Variants in VEPH1 observed in about 807,000 individuals in gnomAD.
The protein encoded by VEPH1 is ventricular zone expressed PH domain containing 1.
VEPH1 carries 80 observed loss-of-function variants against 85.2 expected under a neutral mutation model. The observed-to-expected ratio is 0.94, with a 90% CI of 0.78 to 1.13. The LOEUF (loss-of-function observed/expected upper bound fraction) is 1.13, where lower values mean the gene tolerates loss of function less well. Ranked by LOEUF, VEPH1 falls within the 50% of genes most tolerant of loss-of-function variation. The pLI is 0.00. For missense variants in VEPH1, 955 were observed against 980.5 expected, an observed-to-expected ratio of 0.97 and a Z score of 0.35; for synonymous variants, 297 against 348.0, an observed-to-expected ratio of 0.85 and a Z score of 1.63.
intron 11 of VEPH1, among the ~76,000 whole-genome samples, chr3:157,311,999 C>G (rs1329095778): frequency 6.6e-6 from 1 of 152,146 alleles, no homozygotes; most frequent in Non-Finnish European, 1.5e-5. Flanking sequence ...CAGAGCATTA[C>G]AAATAAACTT....
intron 9 of VEPH1, among the ~76,000 whole-genome samples, chr3:157,351,063 C>T (rs1257424015): frequency 1.3e-5 from 2 of 152,152 alleles, no homozygotes; most frequent in African/African-American, 4.8e-5. Context: ...GAGACATTTG[C>T]GCCCCCATGC....
At chr3:157,486,303 C>T (rs148246692) in intron 2 of VEPH1, among the ~76,000 whole-genome samples, 1,818 of 152,018 alleles carry the variant, frequency 0.012, 35 homozygotes, top group African/African-American at 0.038. Flanking sequence ...CAAGACAAGC[C>T]TGACCAACAT....
chr3:157,374,285 C>T (rs749009147), intron 7 of VEPH1, among the ~76,000 whole-genome samples: 1 of 152,186 alleles, frequency 6.6e-6, no homozygotes, highest in Non-Finnish European at 1.5e-5. Flanking sequence ...AAGAGATACT[C>T]GTTTCCTATC....
At position 157,363,742 on chromosome 3, in the gene VEPH1, G is replaced by A; in HGVS notation, c.1357C>T (p.His453Tyr). The change falls in exon 9 of 14, where the codon CAC becomes TAC. Residue 453 changes from histidine to tyrosine, a missense_variant. Coordinates refer to ENST00000362010, the MANE Select transcript of VEPH1 (RefSeq NM_001167912.2). ...CCCACACCCTTTGTGAGCATAGTGT[G>A]GAAAGCCAAACTTTTTGACCTAGAG... Reference protein sequence around the residue: ...RFNRSKSLAFHTMLTKGVGSD... With the variant: ...RFNRSKSLAFYTMLTKGVGSD... The A allele has an allele frequency of 1.2e-6, 2 of 1,612,296 alleles. No individual in the cohort carries two copies. Among genetic ancestry groups the A allele is most frequent in the Non-Finnish European group, 1.7e-6 (2 of 1,178,732 alleles).
intron 9 of VEPH1, among the ~76,000 whole-genome samples, chr3:157,356,238 C>CA (rs1305252177): frequency 1.3e-5 from 2 of 151,750 alleles, no homozygotes; most frequent in Non-Finnish European, 1.5e-5. Context: ...ACAACAACAA[C>CA]AAAAAAACAA....
Position 157,313,677 on chromosome 3 carries a change from C to T in VEPH1, c.1954G>A (p.Gly652Arg). The T allele has an allele frequency of 6.2e-7, 1 of 1,614,180 alleles. No individual in the cohort carries two copies. The highest frequency in any genetic ancestry group is 1.7e-5 in the Admixed American group (1 of 60,030). ...GCAGTTTCAAAGCTGTGAGCACCCC[C>T]TGCCTGGGTCTTCTCCCACAGAGCT... is the stretch of plus-strand genomic sequence containing the variant. ...LRALWEKTQA[G>R]GAHSFETAMM... The change falls in exon 11 of 14, where the codon GGG becomes AGG. Residue 652 changes from glycine to arginine, a missense_variant. Transcript: ENST00000362010.
At chr3:157,431,163 C>T (rs28526873) in intron 4 of VEPH1, among the ~76,000 whole-genome samples, 61,049 of 151,930 alleles carry the variant, frequency 0.4, 13,948 homozygotes, top group Admixed American at 0.52. Flanking sequence ...TGGCAGTTTC[C>T]GCTGTACTCT....
intron 5 of VEPH1, among the ~76,000 whole-genome samples, chr3:157,426,872 A>G (rs1307136009): frequency 6.7e-6 from 1 of 149,746 alleles, no homozygotes; most frequent in East Asian, 2.0e-4. Context: ...CAGTGGCTCA[A>G]TCTCAGCTCA....
intron 11 of VEPH1, among the ~76,000 whole-genome samples, chr3:157,296,497 T>C (rs1185549984): frequency 6.6e-6 from 1 of 152,206 alleles, no homozygotes; most frequent in Non-Finnish European, 1.5e-5. Context: ...AGACTGACCT[T>C]GGTGGTGAAA....
chr3:157,431,611 C>T (rs551971199), intron 4 of VEPH1, among the ~76,000 whole-genome samples: 22 of 151,818 alleles, frequency 1.4e-4, no homozygotes, highest in African/African-American at 4.1e-4. Flanking sequence ...TCACAGGTTC[C>T]GGGGATTAGA....
intron 7 of VEPH1, 28 bp downstream of exon 7, chr3:157,381,128 C>T (rs899070766): frequency 1.2e-6 from 2 of 1,610,608 alleles, no homozygotes; most frequent in Non-Finnish European, 1.7e-6. Flanking sequence ...ACAGCAGCTC[C>T]CTGAGGTACA....
chr3:157,426,956 C>T (rs868373532), intron 5 of VEPH1, among the ~76,000 whole-genome samples: 3 of 151,482 alleles, frequency 2.0e-5, no homozygotes, highest in East Asian at 2.0e-4. Flanking sequence ...TACAGGCTCC[C>T]GCCACTGCAC....
At chr3:157,493,141 T>G (rs1001742262) in intron 2 of VEPH1, 1 of 423,596 alleles carries the variant, frequency 2.4e-6, no homozygotes, top group African/African-American at 2.1e-5. Flanking sequence ...AAGGGACAAT[T>G]TACCAAAGGA....
At chr3:157,405,240 G>T (rs1307951391) in intron 6 of VEPH1, among the ~76,000 whole-genome samples, 1 of 152,100 alleles carries the variant, frequency 6.6e-6, no homozygotes, top group African/African-American at 2.4e-5. Context: ...TGGTCAGTTG[G>T]CCCAAATTAC....
At position 157,363,466 on chromosome 3, in the gene VEPH1, C is replaced by T; in HGVS notation, c.1633G>A (p.Asp545Asn). The stretch of plus-strand genomic sequence containing the variant: ...TTTTTTAAGTGCAAGTAGAGCTTAT[C>T]TTGGTATTCTATAGGACTTGCAGTT... ...ETTASPIEYQDKLYLHLKKNL... is the reference protein window; with the variant it reads ...ETTASPIEYQNKLYLHLKKNL... Residue 545 changes from aspartate to asparagine, a missense_variant, in exon 9 of 14, where the codon GAT (aspartate) becomes AAT (asparagine). By Grantham distance (23) the Asp-to-Asn change is conservative. Coordinates refer to ENST00000362010, the MANE Select transcript of VEPH1 (RefSeq NM_001167912.2). 1 of 1,613,928 alleles carries T rather than the reference C, an allele frequency of 6.2e-7. No homozygotes were observed. Among genetic ancestry groups the T allele is most frequent in the Non-Finnish European group, 8.5e-7 (1 of 1,179,950 alleles).
chr3:157,390,888 C>A (rs1056652692), intron 6 of VEPH1, among the ~76,000 whole-genome samples: 1 of 152,194 alleles, frequency 6.6e-6, no homozygotes, highest in Non-Finnish European at 1.5e-5. Context: ...CCCCTCGGGG[C>A]TCCATGGTTG....
intron 9 of VEPH1, among the ~76,000 whole-genome samples, chr3:157,327,203 T>C (rs1200046300): frequency 6.6e-6 from 1 of 152,106 alleles, no homozygotes; most frequent in Non-Finnish European, 1.5e-5. Flanking sequence ...CCAGGGACAT[T>C]AATGCTTTCC....
chr3:157,379,577 AC>A (rs1256085012), intron 7 of VEPH1, among the ~76,000 whole-genome samples: 1 of 152,050 alleles, frequency 6.6e-6, no homozygotes, highest in Non-Finnish European at 1.5e-5. Flanking sequence ...ATCTCTTAGG[AC>A]CTCCAGGCTC....
At chr3:157,392,589 C>T (rs540531598) in intron 6 of VEPH1, among the ~76,000 whole-genome samples, 2 of 151,666 alleles carry the variant, frequency 1.3e-5, no homozygotes, top group South Asian at 4.2e-4. Context: ...CACACACAAA[C>T]TATGCTAACA....
Sources: gnomAD v4.1 joint callset for allele counts (sites outside exome capture counted in the v4.1 genomes callset) on GRCh38, gnomAD v4.1.1 for gene constraint, MANE v1.5 for transcripts, NCBI Gene and HGNC (gene_info 2026-07-23, HGNC 2026-07-21) for gene names.